The following CYP2C19 variants were observed in gnomAD, a reference collection of about 807,000 sequenced individuals.
CYP2C19 encodes the protein cytochrome P450 family 2 subfamily C member 19, also known as cytochrome P450 2C19.
CYP2C19 carries 59 observed loss-of-function variants against 40.9 expected under a neutral mutation model. The observed-to-expected ratio is 1.44, with a 90% CI of 1.17 to 1.79. CYP2C19 has a LOEUF of 1.79. CYP2C19 is among the 40% of genes most tolerant of loss of function. The pLI, the probability that CYP2C19 is intolerant of heterozygous loss-of-function variation, is 0.00. For synonymous variants in CYP2C19, 253 were observed against 208.7 expected (o/e 1.21, Z -1.83); for missense variants, 754 against 596.9 (o/e 1.26, Z -2.74).
intron 5 of CYP2C19, among the ~76,000 whole-genome samples, chr10:94,810,463 C>T (rs1382870211): frequency 6.6e-6 from 1 of 152,084 alleles, no homozygotes; most frequent in Non-Finnish European, 1.5e-5. Context: ...AGGAATGGTA[C>T]CAGCTCCTCT....
At position 94,771,211 on chromosome 10, in the gene CYP2C19, T is replaced by A. The variant is rs368430863; in HGVS notation, c.169-3847T>A. On this transcript the variant is annotated intron_variant, in intron 1 of 8. Coordinates refer to ENST00000371321, the MANE Select transcript of CYP2C19 (RefSeq NM_000769.4). ...CCCTACAGCTTGAAGGGGGCATAAC[T>A]GATAGCCCGGGGTTTTTTGTGGTCC... 3.9e-5 allele frequency among the ~76,000 whole-genome samples: 6 copies of A among 152,180 alleles called. No homozygotes were observed. The East Asian group carries it at 5.8e-4, about 15-fold the overall frequency.
intron 5 of CYP2C19, among the ~76,000 whole-genome samples, chr10:94,810,022 C>T (rs1384666211): frequency 6.6e-6 from 1 of 152,126 alleles, no homozygotes; most frequent in Non-Finnish European, 1.5e-5. Context: ...GCTGGAATTA[C>T]AGAGGCTGCC....
At chr10:94,775,650 T>C in intron 3 of CYP2C19, 111 bp downstream of exon 3, 1 of 1,578,528 alleles carries the variant, frequency 6.3e-7, no homozygotes. Context: ...GTCCTGGTTG[T>C]TAGCTCATGT....
intron 5 of CYP2C19, among the ~76,000 whole-genome samples, chr10:94,789,779 A>T (rs1163001024): frequency 6.6e-6 from 1 of 152,132 alleles, no homozygotes; most frequent in African/African-American, 2.4e-5. Flanking sequence ...AGGTAGCATG[A>T]TGCCTCCAGC....
At chr10:94,764,811 A>T (rs1038515693) in intron 1 of CYP2C19, among the ~76,000 whole-genome samples, 4 of 152,140 alleles carry the variant, frequency 2.6e-5, no homozygotes, top group Non-Finnish European at 5.9e-5. Flanking sequence ...CAGGGCCTGA[A>T]GGTGAGTAAT....
intron 5 of CYP2C19, among the ~76,000 whole-genome samples, chr10:94,816,234 T>TC (rs1848999645): frequency 1.5e-5 from 2 of 129,356 alleles, no homozygotes; most frequent in South Asian, 5.4e-4. Flanking sequence ...CCATACAGTA[T>TC]TTTTTCTTTC....
chr10:94,821,934 C>T (rs988087712), intron 6 of CYP2C19, among the ~76,000 whole-genome samples: 1 of 151,976 alleles, frequency 6.6e-6, no homozygotes, highest in East Asian at 1.9e-4. Flanking sequence ...CAACCCACAT[C>T]CCTTCTCTCC....
chr10:94,802,613 T>C (rs1410876186), intron 5 of CYP2C19, among the ~76,000 whole-genome samples: 1 of 152,188 alleles, frequency 6.6e-6, no homozygotes, highest in Non-Finnish European at 1.5e-5. Flanking sequence ...TGTGTGAATT[T>C]GATCCTGTCA....
intron 5 of CYP2C19, among the ~76,000 whole-genome samples, chr10:94,795,693 G>C (rs1168549176): frequency 6.6e-6 from 1 of 152,008 alleles, no homozygotes; most frequent in Non-Finnish European, 1.5e-5. Context: ...AATGATCACT[G>C]TTCTAACTGG....
At chr10:94,837,111 G>T (rs1305018809) in intron 6 of CYP2C19, among the ~76,000 whole-genome samples, 1 of 152,182 alleles carries the variant, frequency 6.6e-6, no homozygotes, top group African/African-American at 2.4e-5. Context: ...TGGGAAAGCA[G>T]AGTATAAGGG....
rs1479390605 is a variant in CYP2C19 at position 94,854,603 on chromosome 10, A to G, written c.*1689A>G. Reference sequence around the variant, plus strand: ...CTACTTACAATTTGGAATACATTTAAAGATAATATATGGGTACAGATGTAC... The same window carrying G: ...CTACTTACAATTTGGAATACATTTAGAGATAATATATGGGTACAGATGTAC... On this transcript the variant is annotated 3_prime_UTR_variant, in exon 9 of 9. Transcript: ENST00000371321. 6.6e-6 allele frequency among the ~76,000 whole-genome samples: 1 copy of G among 152,050 alleles called. No homozygotes were observed. The highest frequency in any genetic ancestry group is 1.5e-5 in the Non-Finnish European group (1 of 68,002).
intron 1 of CYP2C19, among the ~76,000 whole-genome samples, chr10:94,769,443 C>G (rs1174824211): frequency 6.6e-6 from 1 of 152,154 alleles, no homozygotes; most frequent in African/African-American, 2.4e-5. Flanking sequence ...CAGGGGAATA[C>G]AGAAGAAGGC....
rs182273203 is a variant in CYP2C19, at chr10:94,796,126, T to C, written c.819+14129T>C. Among the ~76,000 whole-genome samples, 240 of 152,282 alleles carry C rather than the reference T, an allele frequency of 1.6e-3. 1 individual carries two copies. Among genetic ancestry groups the C allele is most frequent in the Non-Finnish European group, 2.8e-3 (189 of 68,026 alleles). On this transcript the variant is annotated intron_variant, in intron 5 of 8. Transcript: ENST00000371321. ...AGGTTTTCTTCTAGGGTTTTTATGG[T>C]TTTAGGTCTAACATGTAAGTCTTTA...
intron 5 of CYP2C19, among the ~76,000 whole-genome samples, chr10:94,809,382 G>T (rs1333429324): frequency 6.6e-6 from 1 of 151,916 alleles, no homozygotes; most frequent in African/African-American, 2.4e-5. Flanking sequence ...CCTATCTGTG[G>T]GTTATCTTTT....
rs577400589 is a variant in CYP2C19, at chr10:94,846,191, A to T, written c.1149+3167A>T. ...GTTGTCATTTTTATCTCCTGTAATC[A>T]AGAACAGTTCATTTCCTCTGTTTCC... On this transcript the variant is annotated intron_variant, in intron 7 of 8. Transcript: ENST00000371321. Among the ~76,000 whole-genome samples, 24 of 152,288 alleles carry T rather than the reference A, an allele frequency of 1.6e-4. No individual in the cohort carries two copies. In the South Asian group the frequency reaches 4.2e-3, roughly 26 times the overall value.
intron 1 of CYP2C19, among the ~76,000 whole-genome samples, chr10:94,767,355 G>A (rs1848259993): frequency 6.6e-6 from 1 of 152,140 alleles, no homozygotes. Flanking sequence ...CCAGACCATT[G>A]TCACTCTGTA....
rs1849697672 is a variant in CYP2C19, at chr10:94,854,125, T to G, written c.*1211T>G. 6.6e-6 allele frequency among the ~76,000 whole-genome samples: 1 copy of G among 151,598 alleles called. No individual in the cohort carries two copies. The highest frequency in any genetic ancestry group is 1.5e-5 in the Non-Finnish European group (1 of 67,864). ...TCTCCACCTCCTGGATTCAAGTGGT[T>G]CTCCTGCCTCAGCCCCCCAAGTAGC... is the stretch of plus-strand genomic sequence containing the variant. On this transcript the variant is annotated 3_prime_UTR_variant, in exon 9 of 9. Transcript: ENST00000371321.
At chr10:94,815,681 G>A (rs1251683572) in intron 5 of CYP2C19, among the ~76,000 whole-genome samples, 1 of 152,000 alleles carries the variant, frequency 6.6e-6, no homozygotes, top group Admixed American at 6.6e-5. Context: ...ATTTATTCCT[G>A]CACTACTTGC....
At chr10:94,768,093 G>T (rs1169749356) in intron 1 of CYP2C19, among the ~76,000 whole-genome samples, 1 of 152,180 alleles carries the variant, frequency 6.6e-6, no homozygotes, top group Admixed American at 6.5e-5. Flanking sequence ...ATTTAATGGG[G>T]GTTTCTCCAG....
Sources: gnomAD v4.1 joint callset for allele counts (sites outside exome capture counted in the v4.1 genomes callset) on GRCh38, gnomAD v4.1.1 for gene constraint, MANE v1.5 for transcripts, NCBI Gene and HGNC (gene_info 2026-07-23, HGNC 2026-07-21) for gene names.